Variants in MAP2K6 observed in about 807,000 individuals in gnomAD.
MAP2K6 encodes the protein mitogen-activated protein kinase kinase 6, also known as dual specificity mitogen-activated protein kinase kinase 6.
A neutral mutation model predicts 53.7 loss-of-function variants in MAP2K6; 16 were observed. That is an observed-to-expected ratio of 0.30 (90% CI 0.20 to 0.45). MAP2K6 has a LOEUF of 0.45. Among genes scored for constraint, MAP2K6 ranks in the 20% least tolerant of loss-of-function variants. The pLI, the probability that MAP2K6 is intolerant of heterozygous loss-of-function variation, is 1.00. For synonymous variants in MAP2K6, 132 were observed against 143.1 expected (o/e 0.92, Z 0.55); for missense variants, 204 against 411.9 (o/e 0.50, Z 4.37).
intron 1 of MAP2K6, among the ~76,000 whole-genome samples, chr17:69,500,857 A>G (rs892098397): frequency 4.6e-5 from 7 of 152,140 alleles, no homozygotes; most frequent in African/African-American, 1.7e-4. Context: ...TCAGTGGTAT[A>G]TAAGAGCCAG....
intron 11 of MAP2K6, among the ~76,000 whole-genome samples, chr17:69,539,391 A>G (rs1474041081): frequency 6.6e-6 from 1 of 152,042 alleles, no homozygotes; most frequent in Non-Finnish European, 1.5e-5. Context: ...ATAGTCCCTC[A>G]TTTGTCAATT....
At chr17:69,485,523 G>A (rs1473877354) in intron 1 of MAP2K6, 11 of 914,638 alleles carry the variant, frequency 1.2e-5, no homozygotes, top group African/African-American at 3.6e-5. Context: ...CTCCTTTGCT[G>A]ACCTATTGTG....
Position 69,449,547 on chromosome 17 carries a change from T to G in MAP2K6, c.16+34547T>G, listed in dbSNP as rs868532459. On this transcript the variant is annotated intron_variant, in intron 1 of 11. Coordinates refer to ENST00000590474, the MANE Select transcript of MAP2K6 (RefSeq NM_002758.4). ...TCTTTCTTTGTCTTTCTTTCTTTCT[T>G]TCTTTCTTTCTTTATTTCTTTCTTT... 9.0e-3 allele frequency among the ~76,000 whole-genome samples: 1,019 copies of G among 113,760 alleles called. 6 individuals carry two copies. The highest frequency in any genetic ancestry group is 0.02 in the African/African-American group (398 of 20,136). The allele number at this position is 113,760 out of a possible 152,430, so 74.6% of individuals were successfully genotyped here.
intron 1 of MAP2K6, among the ~76,000 whole-genome samples, chr17:69,462,870 G>A (rs1162036540): frequency 2.0e-5 from 3 of 152,006 alleles, no homozygotes; most frequent in Admixed American, 6.6e-5. Context: ...TGAGGCGGGC[G>A]GAAAACGAGG....
At chr17:69,518,005 A>T (rs1910260843) in intron 4 of MAP2K6, among the ~76,000 whole-genome samples, 1 of 152,162 alleles carries the variant, frequency 6.6e-6, no homozygotes. Context: ...CCTGGCCAAC[A>T]TAGTGAAACC....
At chr17:69,493,401 C>T (rs2249009) in intron 1 of MAP2K6, among the ~76,000 whole-genome samples, 81,379 of 151,854 alleles carry the variant, frequency 0.54, 22,992 homozygotes, top group Middle Eastern at 0.66. Context: ...GTTATAAAAA[C>T]GAGCAGATGA....
At chr17:69,443,097 C>T (rs77760789) in intron 1 of MAP2K6, among the ~76,000 whole-genome samples, 2,344 of 152,218 alleles carry the variant, frequency 0.015, 60 homozygotes, top group African/African-American at 0.053. Context: ...CCCAAACATG[C>T]ATTCTTTCCT....
At chr17:69,490,113 G>A (rs928143052) in intron 1 of MAP2K6, among the ~76,000 whole-genome samples, 3 of 152,150 alleles carry the variant, frequency 2.0e-5, no homozygotes, top group African/African-American at 7.2e-5. Context: ...TTGTTGGTAG[G>A]GAACATGAAG....
intron 10 of MAP2K6, among the ~76,000 whole-genome samples, chr17:69,532,925 C>T (rs1033639660): frequency 1.3e-5 from 2 of 152,010 alleles, no homozygotes; most frequent in African/African-American, 4.8e-5. Flanking sequence ...TAACAAAAAT[C>T]TGGAGATTTT....
chr17:69,489,974 T>G (rs768424949), intron 1 of MAP2K6, among the ~76,000 whole-genome samples: 15 of 152,222 alleles, frequency 9.9e-5, no homozygotes, highest in Non-Finnish European at 2.2e-4. Flanking sequence ...AACTAGACAT[T>G]GCAGAAACAG....
chr17:69,553,594 T>G lies in MAP2K6; in HGVS notation c.*11841T>G, dbSNP rs1490861473. ...ACACTGTAACTGGTCTCCAGATGTG[T>G]GTATATGCGTGTAAAACTTCACACC... On this transcript the variant is annotated 3_prime_UTR_variant, in exon 12 of 12. Coordinates refer to ENST00000590474, the MANE Select transcript of MAP2K6 (RefSeq NM_002758.4). 6.6e-6 allele frequency: 1 copy of G among 152,236 alleles called. No individual in the cohort carries two copies. The highest frequency in any genetic ancestry group is 2.4e-5 in the African/African-American group (1 of 41,462). The allele number at this position is 152,236 out of a possible 1,614,324, so 9.4% of individuals were successfully genotyped here.
chr17:69,527,953 TAAAAATACAAAA>T (rs1856650512), intron 10 of MAP2K6, among the ~76,000 whole-genome samples: 2 of 151,642 alleles, frequency 1.3e-5, no homozygotes, highest in Admixed American at 1.3e-4. Flanking sequence ...CTGACTCTAC[TAAAAATACAAAA>T]AATTAACTGG....
rs1291812944 is a variant in MAP2K6, at chr17:69,551,486, A to C, written c.*9733A>C. The C allele has an allele frequency of 2.0e-5, 3 of 152,236 alleles. No homozygotes were observed. The highest frequency in any genetic ancestry group is 4.4e-5 in the Non-Finnish European group (3 of 68,038). 9.4% of individuals were successfully genotyped at this position (152,236 alleles called of 1,614,324 possible). A position where few individuals can be genotyped will look rare whatever the true frequency, so the allele number is the denominator to read the frequency against. On this transcript the variant is annotated 3_prime_UTR_variant, in exon 12 of 12. Transcript: ENST00000590474. ...GAATTCTGACAGTGTTCTGTTTGCC[A>C]CTAGAGCAAATTTAATAGCTGGGGT...
At chr17:69,505,610 C>T in intron 1 of MAP2K6, 170 bp from the exon 2 acceptor site, 1 of 613,466 alleles carries the variant, frequency 1.6e-6, no homozygotes, top group South Asian at 1.7e-5. Context: ...TCTGTCCTAC[C>T]TGGTGCTTGG....
intron 10 of MAP2K6, among the ~76,000 whole-genome samples, chr17:69,532,984 A>G (rs761677579): frequency 3.9e-5 from 6 of 151,994 alleles, no homozygotes; most frequent in Non-Finnish European, 7.4e-5. Context: ...GCTGGAGTGC[A>G]GTGGTGCAAT....
At chr17:69,485,632 C>T (rs1908507294) in intron 1 of MAP2K6, 1 of 166,144 alleles carries the variant, frequency 6.0e-6, no homozygotes. Context: ...CCTCTCACAG[C>T]TTCCCTTCAC....
At chr17:69,442,763 A>G (rs1047696977) in intron 1 of MAP2K6, among the ~76,000 whole-genome samples, 3 of 152,194 alleles carry the variant, frequency 2.0e-5, no homozygotes, top group Admixed American at 6.5e-5. Flanking sequence ...GGTTCTGCCA[A>G]TTGTAAGCTG....
intron 1 of MAP2K6, among the ~76,000 whole-genome samples, chr17:69,496,598 A>G (rs553709171): frequency 6.6e-5 from 10 of 152,190 alleles, no homozygotes; most frequent in African/African-American, 2.4e-4. Flanking sequence ...CGAACTCCTG[A>G]CCTAAAGTGA....
chr17:69,449,531 G>GTCTTTCTTTCTTTTTCTT (rs1555602226), intron 1 of MAP2K6, among the ~76,000 whole-genome samples: 1 of 103,386 alleles, frequency 9.7e-6, no homozygotes, highest in Non-Finnish European at 1.8e-5. Flanking sequence ...TTCTTTCTTT[G>GTCTTTCTTTCTTTTTCTT]TCTTTCTTTC....
Sources: gnomAD v4.1 joint callset for allele counts (sites outside exome capture counted in the v4.1 genomes callset) on GRCh38, gnomAD v4.1.1 for gene constraint, MANE v1.5 for transcripts, NCBI Gene and HGNC (gene_info 2026-07-23, HGNC 2026-07-21) for gene names.